The following ITGAE variants were observed in gnomAD, a reference collection of about 807,000 sequenced individuals.
ITGAE encodes the protein integrin alpha-E.
In ITGAE, 99 loss-of-function variants were observed where a neutral mutation model predicts 136.5. The ratio of observed to expected loss-of-function variants is 0.73; its 90% CI spans 0.62 to 0.86. ITGAE has a LOEUF of 0.86. Ranked by LOEUF, ITGAE falls within the 40% of genes least tolerant of loss-of-function variation. The pLI is 0.00. For synonymous variants in ITGAE, 613 were observed against 591.8 expected (o/e 1.04, Z -0.52); for missense variants, 1,447 against 1,515.3 (o/e 0.95, Z 0.75).
intron 1 of ITGAE, among the ~76,000 whole-genome samples, chr17:3,786,119 A>G (rs2052791229): frequency 6.7e-6 from 1 of 149,772 alleles, no homozygotes; most frequent in African/African-American, 2.5e-5. Flanking sequence ...GTGAGCCGAG[A>G]TCGCGCCACT....
chr17:3,780,470 G>A (rs985911680), intron 1 of ITGAE, among the ~76,000 whole-genome samples: 8 of 151,008 alleles, frequency 5.3e-5, no homozygotes, highest in African/African-American at 1.2e-4. Flanking sequence ...GCCTAATTTT[G>A]TATTTTTAGT....
intron 1 of ITGAE, among the ~76,000 whole-genome samples, chr17:3,796,312 C>T (rs2053102725): frequency 6.6e-6 from 1 of 152,104 alleles, no homozygotes; most frequent in South Asian, 2.1e-4. Context: ...AACAGTTTGC[C>T]TTTGAGCTGC....
At chr17:3,765,077 C>T (rs34184010) in intron 2 of ITGAE, among the ~76,000 whole-genome samples, 11,832 of 151,878 alleles carry the variant, frequency 0.078, 569 homozygotes, top group East Asian at 0.16. Context: ...AGGCCGGGCG[C>T]GGTGGCTCAC....
chr17:3,720,130 T>C (rs2051020143), intron 29 of ITGAE, among the ~76,000 whole-genome samples, 177 bp downstream of exon 29: 2 of 152,172 alleles, frequency 1.3e-5, no homozygotes, highest in African/African-American at 4.8e-5. Context: ...GGCCTCTTAA[T>C]TGCCTTATTT....
At chr17:3,747,540 A>G (rs1178228300) in intron 17 of ITGAE, among the ~76,000 whole-genome samples, 1 of 151,976 alleles carries the variant, frequency 6.6e-6, no homozygotes, top group African/African-American at 2.4e-5. Context: ...CGATCTCCTG[A>G]CCGCGTGATC....
intron 22 of ITGAE, among the ~76,000 whole-genome samples, chr17:3,731,768 C>G (rs559451437): frequency 6.6e-6 from 1 of 152,050 alleles, no homozygotes; most frequent in South Asian, 2.1e-4. Context: ...AGGGACAGAT[C>G]AGGGTTAATA....
chr17:3,761,971 T>C lies in ITGAE; in HGVS notation c.259A>G (p.Ile87Val), dbSNP rs754562229. 8.7e-6 allele frequency: 14 copies of C among 1,613,530 alleles called. No homozygotes were observed. The East Asian group carries it at 2.7e-4, about 31-fold the overall frequency. Residue 87 changes from isoleucine (I) to valine (V), a missense_variant, in exon 4 of 31, where the codon ATC becomes GTC. Ile to Val is a conservative substitution (Grantham distance 29). Transcript: ENST00000263087. ...ILCHPVEHVPIPKGRHRGVTV... is the reference protein window; with the variant it reads ...ILCHPVEHVPVPKGRHRGVTV... Reference sequence around the variant, plus strand: ...ACTCCCCGGTGCCTCCCCTTGGGGATGGGGACATGCTCTGAAAAAGTTAAG... The same window carrying C: ...ACTCCCCGGTGCCTCCCCTTGGGGACGGGGACATGCTCTGAAAAAGTTAAG...
intron 7 of ITGAE, 129 bp from the exon 8 acceptor site, chr17:3,759,682 G>T: frequency 8.9e-7 from 1 of 1,120,004 alleles, no homozygotes; most frequent in Non-Finnish European, 1.3e-6. Context: ...GAGATGCTAA[G>T]GCAGAGCAAA....
At chr17:3,763,404 A>C (rs2052220915) in intron 3 of ITGAE, among the ~76,000 whole-genome samples, 1 of 152,158 alleles carries the variant, frequency 6.6e-6, no homozygotes, top group South Asian at 2.1e-4. Flanking sequence ...GGCCACAGTT[A>C]GACTGAATAT....
rs141833436 is a variant in ITGAE, at chr17:3,747,966, C to T, written c.2111G>A (p.Arg704His). The change falls in exon 17 of 31, where the codon CGT (arginine) becomes CAT (histidine). Residue 704 changes from arginine (R) to histidine (H), a missense_variant. By Grantham distance (29) the Arg-to-His change is conservative. Coordinates refer to ENST00000263087, the MANE Select transcript of ITGAE (RefSeq NM_002208.5). ...TACAGAGCTGATTTCAAAACATAAACGGACATTCACGACGCCGTTGAAGCC... is the reference window on the plus strand; with the variant it reads ...TACAGAGCTGATTTCAAAACATAAATGGACATTCACGACGCCGTTGAAGCC... ...PIGFNGVVNV[R>H]LCFEISSVTT... 98 of 1,612,016 alleles carry T rather than the reference C, an allele frequency of 6.1e-5. No homozygotes were observed. The African/African-American group carries it at 7.7e-4, about 13-fold the overall frequency.
intron 1 of ITGAE, among the ~76,000 whole-genome samples, chr17:3,784,043 G>A (rs1054670111): frequency 2.0e-5 from 3 of 152,094 alleles, no homozygotes; most frequent in Admixed American, 6.6e-5. Flanking sequence ...GGCGGATCAC[G>A]AGGTCAGGAG....
At position 3,729,932 on chromosome 17, in the gene ITGAE, G is replaced by A. The variant is rs371125087; in HGVS notation, c.2835-377C>T. ...TCCAGGGTACATGTGCAGATGTGCA[G>A]GTTTGTTACATAGGTGAACGTGTGC... On this transcript the variant is annotated intron_variant, in intron 23 of 30. Transcript: ENST00000263087. Among the ~76,000 whole-genome samples, 113 of 152,256 alleles carry A rather than the reference G, an allele frequency of 7.4e-4. 1 individual carries two copies. Among genetic ancestry groups the A allele is most frequent in the African/African-American group, 2.5e-3 (103 of 41,560 alleles).
rs774929883 is a variant in ITGAE, at chr17:3,745,908, G to A, written c.2175C>T (p.Leu725=). 1.2e-6 allele frequency: 2 copies of A among 1,613,932 alleles called. No individual in the cohort carries two copies. Among genetic ancestry groups the A allele is most frequent in the East Asian group, 2.2e-5 (1 of 44,870 alleles). Residue 725 remains leucine, a synonymous_variant, in exon 18 of 31, where the codon CTC becomes CTT. Coordinates refer to ENST00000263087, the MANE Select transcript of ITGAE (RefSeq NM_002208.5). The stretch of plus-strand genomic sequence containing the variant: ...CCACATCCACATCCAGCGTGAAGTT[G>A]AGAAGTGCCTCGCGGAGGCCTGGGA... ...ASESGLREAL[L]NFTLDVDVGK...
At chr17:3,721,260 C>CTTT (rs869087347) in intron 28 of ITGAE, among the ~76,000 whole-genome samples, 533 of 46,242 alleles carry the variant, frequency 0.012, 81 homozygotes, top group Non-Finnish European at 0.016. Flanking sequence ...GAGATTTTTC[C>CTTT]TTTTTTTTTT....
chr17:3,758,818 G>T (rs1398939413), intron 8 of ITGAE, among the ~76,000 whole-genome samples: 1 of 151,878 alleles, frequency 6.6e-6, no homozygotes, highest in East Asian at 1.9e-4. Context: ...TTTGCCCGGG[G>T]TCACACAGAT....
chr17:3,756,889 G>T (rs771107121), intron 10 of ITGAE, 95 bp downstream of exon 10: 73 of 1,316,654 alleles, frequency 5.5e-5, no homozygotes, highest in Non-Finnish European at 7.3e-5. Flanking sequence ...GAGATGATGG[G>T]AGTTGCTCAG....
At chr17:3,753,087 T>C (rs1021258221) in intron 14 of ITGAE, among the ~76,000 whole-genome samples, 3 of 152,148 alleles carry the variant, frequency 2.0e-5, no homozygotes, top group Non-Finnish European at 4.4e-5. Context: ...TTAGAGATAT[T>C]ATCATCAACG....
chr17:3,757,580 G>A, intron 9 of ITGAE, 126 bp downstream of exon 9: 1 of 1,016,172 alleles, frequency 9.8e-7, no homozygotes, highest in South Asian at 1.5e-5. Context: ...GAGAGAAGAG[G>A]AGCATTTGCA....
At chr17:3,765,584 G>A in intron 2 of ITGAE, among the ~76,000 whole-genome samples, 1 of 151,960 alleles carries the variant, frequency 6.6e-6, no homozygotes, top group Non-Finnish European at 1.5e-5. Context: ...ACCCCAAGCT[G>A]ACTTCCCACC....
Sources: gnomAD v4.1 joint callset for allele counts (sites outside exome capture counted in the v4.1 genomes callset) on GRCh38, gnomAD v4.1.1 for gene constraint, MANE v1.5 for transcripts, NCBI Gene and HGNC (gene_info 2026-07-23, HGNC 2026-07-21) for gene names.